The following KLHL29 variants were observed in gnomAD, a reference collection of about 807,000 sequenced individuals.
KLHL29 encodes kelch like family member 29, also known as kelch-like protein 29.
A neutral mutation model predicts 80.4 loss-of-function variants in KLHL29; 21 were observed. The ratio of observed to expected loss-of-function variants is 0.26; its 90% CI spans 0.19 to 0.38. The LOEUF is 0.38. Among genes scored for constraint, KLHL29 ranks in the 10% least tolerant of loss-of-function variants. KLHL29 has a pLI of 1.00. For synonymous variants in KLHL29, 511 were observed against 526.8 expected, an observed-to-expected ratio of 0.97 and a Z score of 0.41; for missense variants, 867 against 1,223.9, an observed-to-expected ratio of 0.71 and a Z score of 4.35.
At position 23,684,695 on chromosome 2, in the gene KLHL29, CCT is replaced by C. The variant is rs1671186861; in HGVS notation, c.1079+162_1079+163del. 6.6e-6 allele frequency among the ~76,000 whole-genome samples: 1 copy of C among 152,118 alleles called. No homozygotes were observed. The highest frequency in any genetic ancestry group is 1.5e-5 in the Non-Finnish European group (1 of 68,018). On this transcript the variant is annotated intron_variant, in intron 6 of 13. Transcript: ENST00000486442. The surrounding 1 kb of genome is among the most constrained non-coding windows in gnomAD (Gnocchi z 4.4). ...TCCTCCTCCTCCTCCTCCCCAGTAC[CCT>C]CTCACACACAGCCTCAGAGCAGCCA...
intron 1 of KLHL29, among the ~76,000 whole-genome samples, chr2:23,464,297 C>T (rs1448985205): frequency 6.6e-6 from 1 of 152,184 alleles, no homozygotes; most frequent in Non-Finnish European, 1.5e-5. Context: ...CCCCCGGAGC[C>T]CCCAGAGCCC....
chr2:23,664,402 G>A (rs1670499687), intron 5 of KLHL29, among the ~76,000 whole-genome samples: 1 of 152,096 alleles, frequency 6.6e-6, no homozygotes, highest in South Asian at 2.1e-4. Flanking sequence ...GCTCTGGCTG[G>A]GGCTTTGGGT....
chr2:23,635,318 A>G (rs1480610523), intron 3 of KLHL29, among the ~76,000 whole-genome samples: 1 of 152,036 alleles, frequency 6.6e-6, no homozygotes, highest in Non-Finnish European at 1.5e-5. Context: ...CTTTCATTGC[A>G]TACCACCTGC....
chr2:23,558,684 G>T (rs764566148), intron 2 of KLHL29, among the ~76,000 whole-genome samples: 1 of 152,204 alleles, frequency 6.6e-6, no homozygotes, highest in African/African-American at 2.4e-5. Context: ...GATTACAGGC[G>T]TGAGCCCCCA....
intron 1 of KLHL29, among the ~76,000 whole-genome samples, chr2:23,402,902 A>C (rs999798834): frequency 1.3e-4 from 19 of 150,722 alleles, no homozygotes; most frequent in African/African-American, 4.4e-4. Flanking sequence ...GATTTCTTTA[A>C]ATCTATGTAT....
In KLHL29 at chr2:23,696,431, C is replaced by T; in HGVS notation, c.2023C>T (p.Arg675Trp). The change falls in exon 11 of 14, where the codon CGG (arginine) becomes TGG (tryptophan). Residue 675 changes from arginine to tryptophan, a missense_variant. Transcript: ENST00000486442. The surrounding 1 kb of genome is among the most constrained non-coding windows in gnomAD (Gnocchi z 5.5). ...LVSRMTVPRC[R>W]HNSLVYDGKI... ...CTCCAGAATGACAGTCCCCCGCTGT[C>T]GGCACAATAGCCTCGTCTACGATGG... 3 of 1,551,410 alleles carry T rather than the reference C, an allele frequency of 1.9e-6. No individual in the cohort carries two copies. Among genetic ancestry groups the T allele is most frequent in the Non-Finnish European group, 2.6e-6 (3 of 1,146,886 alleles).
chr2:23,611,018 A>G (rs2103529893), intron 3 of KLHL29, among the ~76,000 whole-genome samples: 1 of 152,278 alleles, frequency 6.6e-6, no homozygotes, highest in South Asian at 2.1e-4. Context: ...AGTAACAAAA[A>G]TATCTAGTAT....
chr2:23,554,148 G>A (rs543263253), intron 2 of KLHL29, among the ~76,000 whole-genome samples: 7 of 152,328 alleles, frequency 4.6e-5, no homozygotes, highest in South Asian at 2.1e-4. Flanking sequence ...TAACATCCAC[G>A]TCAAGTCGTG....
At chr2:23,518,616 G>C (rs1466670222) in intron 2 of KLHL29, among the ~76,000 whole-genome samples, 1 of 152,160 alleles carries the variant, frequency 6.6e-6, no homozygotes, top group Non-Finnish European at 1.5e-5. Context: ...TGTGGGCGCT[G>C]TAGCACTCCC....
chr2:23,460,239 A>G (rs1186239974), intron 1 of KLHL29, among the ~76,000 whole-genome samples: 1 of 152,164 alleles, frequency 6.6e-6, no homozygotes, highest in African/African-American at 2.4e-5. Flanking sequence ...TTATTTGCCA[A>G]GTACTGGACC....
At chr2:23,398,814 G>A (rs1666517135) in intron 1 of KLHL29, among the ~76,000 whole-genome samples, 2 of 152,178 alleles carry the variant, frequency 1.3e-5, no homozygotes, top group Non-Finnish European at 2.9e-5. Flanking sequence ...TGTCAGGGTG[G>A]TGACTTCACA....
chr2:23,427,534 T>C (rs1476097214), intron 1 of KLHL29, among the ~76,000 whole-genome samples: 2 of 152,218 alleles, frequency 1.3e-5, no homozygotes, highest in Non-Finnish European at 2.9e-5. Context: ...CCGTGTTTAT[T>C]AGTTTATGGC....
At chr2:23,549,855 C>A (rs1219355283) in intron 2 of KLHL29, among the ~76,000 whole-genome samples, 1 of 152,218 alleles carries the variant, frequency 6.6e-6, no homozygotes, top group Non-Finnish European at 1.5e-5. Context: ...GCTTGCATGG[C>A]GGGCAGAGCT....
At chr2:23,400,041 G>A (rs113524943) in intron 1 of KLHL29, among the ~76,000 whole-genome samples, 22 of 152,326 alleles carry the variant, frequency 1.4e-4, no homozygotes, top group African/African-American at 5.0e-4. Context: ...GGAGTGTCCC[G>A]GCAGAGTGAG....
At chr2:23,554,236 A>G (rs753432141) in intron 2 of KLHL29, among the ~76,000 whole-genome samples, 2 of 152,268 alleles carry the variant, frequency 1.3e-5, no homozygotes, top group Admixed American at 6.5e-5. Flanking sequence ...GCTGCTGTTT[A>G]GTATTTTGCT....
At chr2:23,477,053 A>T (rs942121865) in intron 2 of KLHL29, among the ~76,000 whole-genome samples, 1 of 152,278 alleles carries the variant, frequency 6.6e-6, no homozygotes, top group African/African-American at 2.4e-5. Flanking sequence ...GTGGAGGCCC[A>T]GCTGGCCCAG....
intron 3 of KLHL29, among the ~76,000 whole-genome samples, chr2:23,573,062 C>CT (rs397933351): frequency 1.7e-5 from 1 of 58,376 alleles, no homozygotes; most frequent in African/African-American, 7.4e-5. Flanking sequence ...AGCATGAAGC[C>CT]TCACGGGTTC....
At chr2:23,420,886 C>T (rs1482056785) in intron 1 of KLHL29, among the ~76,000 whole-genome samples, 5 of 152,180 alleles carry the variant, frequency 3.3e-5, no homozygotes, top group Non-Finnish European at 7.3e-5. Flanking sequence ...ACCCAACCTT[C>T]AAAGCCGAGC....
intron 2 of KLHL29, among the ~76,000 whole-genome samples, chr2:23,540,667 T>C (rs1024884151): frequency 2.0e-5 from 3 of 152,218 alleles, no homozygotes; most frequent in Admixed American, 6.5e-5. Flanking sequence ...AAAGAAAATG[T>C]GTTAACTCTT....
Sources: allele counts gnomAD v4.1 joint callset (sites outside exome capture counted in the v4.1 genomes callset), GRCh38; gene constraint gnomAD v4.1.1; non-coding constraint Gnocchi (gnomAD v3.1); transcripts MANE v1.5; gene names NCBI Gene and HGNC (gene_info 2026-07-23, HGNC 2026-07-21).